The following NCK1 variants were observed in gnomAD, a reference collection of about 807,000 sequenced individuals.
The protein encoded by NCK1 is SH2/SH3 adapter protein NCK1.
Under a neutral mutation model 36.6 loss-of-function variants are expected in NCK1, and 19 were observed. The ratio of observed to expected loss-of-function variants is 0.52; its 90% CI spans 0.36 to 0.76. The LOEUF (loss-of-function observed/expected upper bound fraction) is 0.76, where lower values mean the gene tolerates loss of function less well. Among genes scored for constraint, NCK1 ranks in the 30% least tolerant of loss-of-function variants. The pLI, the probability that NCK1 is intolerant of heterozygous loss-of-function variation, is 0.00. For synonymous variants in NCK1, 165 were observed against 156.0 expected, an observed-to-expected ratio of 1.06 and a Z score of -0.43; for missense variants, 358 against 445.6, an observed-to-expected ratio of 0.80 and a Z score of 1.77.
chr3:136,928,530 T>C (rs961261685), intron 2 of NCK1: 4 of 294,356 alleles, frequency 1.4e-5, no homozygotes, highest in African/African-American at 2.2e-5. Context: ...TTTAGACTTA[T>C]AGGCAGAATT....
chr3:136,897,668 CAG>C (rs1156449247), intron 1 of NCK1, among the ~76,000 whole-genome samples: 2 of 152,150 alleles, frequency 1.3e-5, no homozygotes, highest in Admixed American at 6.5e-5. Flanking sequence ...TCCCATTCAG[CAG>C]ATTGTCTCTT....
At chr3:136,875,550 CAAAG>C (rs1306650883) in intron 1 of NCK1, among the ~76,000 whole-genome samples, 11 of 152,108 alleles carry the variant, frequency 7.2e-5, no homozygotes, top group Non-Finnish European at 1.3e-4. Context: ...TCAAAAGAGA[CAAAG>C]AAGGCCATTA....
intron 2 of NCK1, among the ~76,000 whole-genome samples, chr3:136,936,019 C>T (rs1318687967): frequency 6.7e-6 from 1 of 149,456 alleles, no homozygotes; most frequent in Non-Finnish European, 1.5e-5. Context: ...AGTAATTCAT[C>T]CCTTTTATGT....
intron 1 of NCK1, among the ~76,000 whole-genome samples, chr3:136,882,354 A>G (rs1938964764): frequency 6.6e-6 from 1 of 151,878 alleles, no homozygotes; most frequent in Admixed American, 6.6e-5. Flanking sequence ...CCCATTTTTC[A>G]TTTGGGTTAT....
At chr3:136,891,405 G>T (rs2108089136) in intron 1 of NCK1, among the ~76,000 whole-genome samples, 1 of 152,354 alleles carries the variant, frequency 6.6e-6, no homozygotes, top group African/African-American at 2.4e-5. Context: ...AAAGTGCTGG[G>T]ATTACAGGCA....
intron 1 of NCK1, chr3:136,900,165 C>T (rs750927429): frequency 2.0e-4 from 60 of 292,876 alleles, no homozygotes; most frequent in Admixed American, 1.9e-3. Flanking sequence ...CAGACATTGG[C>T]GCTCTCCCTT....
intron 2 of NCK1, among the ~76,000 whole-genome samples, chr3:136,943,139 A>G (rs1344840930): frequency 6.6e-6 from 1 of 151,818 alleles, no homozygotes; most frequent in Non-Finnish European, 1.5e-5. Flanking sequence ...AGATTTTATA[A>G]GTTTTTTTTT....
At chr3:136,922,076 C>T (rs1940124670) in intron 1 of NCK1, among the ~76,000 whole-genome samples, 1 of 152,196 alleles carries the variant, frequency 6.6e-6, no homozygotes, top group East Asian at 1.9e-4. Context: ...AGCCACCGCG[C>T]CCGGCCACTG....
intron 1 of NCK1, among the ~76,000 whole-genome samples, chr3:136,916,824 A>G (rs1053688244): frequency 2.0e-5 from 3 of 152,310 alleles, no homozygotes; most frequent in South Asian, 2.1e-4. Flanking sequence ...ATCCAGTTCA[A>G]TTCCCTTATT....
In NCK1 at chr3:136,949,443, A is replaced by G. The variant is rs1310288854; in HGVS notation, c.*990A>G. The stretch of plus-strand genomic sequence containing the variant: ...TAAGTTTTGTTGATTGGGACACTAA[A>G]ACTGATGTATACCTGAGGAAAAAAT... On this transcript the variant is annotated 3_prime_UTR_variant, in exon 4 of 4. Transcript: ENST00000481752. 3.3e-5 allele frequency: 5 copies of G among 151,950 alleles called. No homozygotes were observed. The highest frequency in any genetic ancestry group is 1.2e-4 in the African/African-American group (5 of 41,418). The allele number at this position is 151,950 out of a possible 1,614,324, so 9.4% of individuals were successfully genotyped here.
At chr3:136,862,834 G>A (rs920139093) in intron 1 of NCK1, among the ~76,000 whole-genome samples, 4 of 152,332 alleles carry the variant, frequency 2.6e-5, no homozygotes, top group African/African-American at 9.6e-5. Flanking sequence ...GCTGCGGGTG[G>A]ACATCTTCGG....
At chr3:136,936,903 T>G (rs1940546025) in intron 2 of NCK1, among the ~76,000 whole-genome samples, 1 of 152,230 alleles carries the variant, frequency 6.6e-6, no homozygotes, top group African/African-American at 2.4e-5. Flanking sequence ...TTTGCAAATA[T>G]TCTCTTCTAA....
At chr3:136,862,943 T>C (rs1379926552) in intron 1 of NCK1, among the ~76,000 whole-genome samples, 1 of 151,338 alleles carries the variant, frequency 6.6e-6, no homozygotes, top group Non-Finnish European at 1.5e-5. Context: ...CGCGAGTTGC[T>C]GGGGCTGTGA....
intron 1 of NCK1, among the ~76,000 whole-genome samples, chr3:136,872,172 TC>T (rs1286775072): frequency 1.3e-5 from 2 of 152,172 alleles, no homozygotes; most frequent in Non-Finnish European, 2.9e-5. Context: ...TTTGGAACTT[TC>T]TAGACTTGTT....
intron 1 of NCK1, among the ~76,000 whole-genome samples, chr3:136,893,146 T>TTGTGTGTGTGTG (rs1430611735): frequency 1.2e-5 from 1 of 81,664 alleles, no homozygotes; most frequent in Non-Finnish European, 2.6e-5. Context: ...TAATATTCCA[T>TTGTGTGTGTGTG]AGTGTGTGTG....
At chr3:136,895,035 C>G (rs987512488) in intron 1 of NCK1, among the ~76,000 whole-genome samples, 1 of 152,096 alleles carries the variant, frequency 6.6e-6, no homozygotes, top group Non-Finnish European at 1.5e-5. Context: ...GCCACCAAGC[C>G]CAGCTAATTT....
At chr3:136,943,361 A>C (rs1478642731) in intron 2 of NCK1, among the ~76,000 whole-genome samples, 1 of 152,164 alleles carries the variant, frequency 6.6e-6, no homozygotes, top group Non-Finnish European at 1.5e-5. Context: ...AGGGGTATAG[A>C]CTGGATTATT....
intron 2 of NCK1, among the ~76,000 whole-genome samples, chr3:136,937,159 A>G (rs1325037628): frequency 6.6e-6 from 1 of 152,288 alleles, no homozygotes; most frequent in South Asian, 2.1e-4. Flanking sequence ...GTTGGAGTCC[A>G]GTTTCATTCT....
Position 136,950,263 on chromosome 3 carries a change from G to A in NCK1, c.*1810G>A, listed in dbSNP as rs1287272662. On this transcript the variant is annotated 3_prime_UTR_variant, in exon 4 of 4. Coordinates refer to ENST00000481752, the MANE Select transcript of NCK1 (RefSeq NM_001291999.2). ...CCCCAGTCTTCCTTATGAAAAAAAT[G>A]TATGTTTGTAAAAAGAGAACAATTA... Among the ~76,000 whole-genome samples the A allele has an allele frequency of 2.0e-5, 3 of 152,042 alleles. No homozygotes were observed. In the East Asian group the frequency reaches 5.8e-4, roughly 29 times the overall value.
Sources: allele counts gnomAD v4.1 joint callset (sites outside exome capture counted in the v4.1 genomes callset), GRCh38; gene constraint gnomAD v4.1.1; transcripts MANE v1.5; gene names NCBI Gene and HGNC (gene_info 2026-07-23, HGNC 2026-07-21).